AFF3: variants seen among roughly 807,000 people sequenced by gnomAD.
The protein encoded by AFF3 is AF4/FMR2 family member 3.
Under a neutral mutation model 129.7 loss-of-function variants are expected in AFF3, and 32 were observed. The observed-to-expected ratio is 0.25, with a 90% CI of 0.19 to 0.33. The LOEUF (loss-of-function observed/expected upper bound fraction) is 0.33. Ranked by LOEUF, AFF3 falls within the 10% of genes least tolerant of loss-of-function variation. AFF3 has a pLI of 1.00. For synonymous variants in AFF3, 644 were observed against 635.4 expected, an observed-to-expected ratio of 1.01 and a Z score of -0.20; for missense variants, 1,373 against 1,592.0, an observed-to-expected ratio of 0.86 and a Z score of 2.34.
At chr2:99,750,475 C>G (rs1393624615) in intron 9 of AFF3, among the ~76,000 whole-genome samples, 1 of 143,066 alleles carries the variant, frequency 7.0e-6, no homozygotes, top group African/African-American at 2.7e-5. Context: ...AGTGCAGTGG[C>G]GTGATCATAG....
intron 21 of AFF3, among the ~76,000 whole-genome samples, chr2:99,559,573 TG>T (rs1446311255): frequency 1.3e-5 from 2 of 152,264 alleles, no homozygotes; most frequent in Non-Finnish European, 2.9e-5. Flanking sequence ...ATCATATTAT[TG>T]TCATTTAGTG....
At chr2:99,890,527 C>A (rs993241046) in intron 7 of AFF3, among the ~76,000 whole-genome samples, 1 of 152,168 alleles carries the variant, frequency 6.6e-6, no homozygotes, top group Non-Finnish European at 1.5e-5. Context: ...GAGGCTTGAC[C>A]GGGCACACTG....
intron 13 of AFF3, among the ~76,000 whole-genome samples, chr2:99,607,776 T>C (rs186145677): frequency 1.8e-4 from 28 of 152,338 alleles, no homozygotes; most frequent in African/African-American, 6.0e-4. Context: ...ATAACAATGT[T>C]TGCTCCTCCT....
chr2:100,092,559 T>C (rs1269089174), intron 4 of AFF3, among the ~76,000 whole-genome samples: 1 of 152,230 alleles, frequency 6.6e-6, no homozygotes, highest in African/African-American at 2.4e-5. Flanking sequence ...TAGAAAGCCA[T>C]GCAAGGCCCT....
chr2:99,596,861 AC>A (rs1679337336), intron 14 of AFF3, among the ~76,000 whole-genome samples: 1 of 152,190 alleles, frequency 6.6e-6, no homozygotes, highest in Non-Finnish European at 1.5e-5. Flanking sequence ...AGTTTGAAGT[AC>A]CCACTTTCAA....
At chr2:100,045,194 T>C (rs1451296783) in intron 4 of AFF3, among the ~76,000 whole-genome samples, 1 of 151,994 alleles carries the variant, frequency 6.6e-6, no homozygotes, top group Non-Finnish European at 1.5e-5. Flanking sequence ...CCGTTTTCCT[T>C]ATCAAGTGGT....
chr2:99,689,284 T>C (rs1383005803), intron 11 of AFF3, among the ~76,000 whole-genome samples: 1 of 152,180 alleles, frequency 6.6e-6, no homozygotes, highest in African/African-American at 2.4e-5. Context: ...TGGCCTCAGC[T>C]GACTGCAGCT....
chr2:99,762,125 C>CTT (rs113479774), intron 8 of AFF3, among the ~76,000 whole-genome samples: 46 of 138,156 alleles, frequency 3.3e-4, no homozygotes, highest in Non-Finnish European at 4.9e-4. Context: ...ATCAATGCCA[C>CTT]TTTTTTTTTT....
At chr2:99,868,561 A>G (rs1691617881) in intron 7 of AFF3, among the ~76,000 whole-genome samples, 1 of 152,162 alleles carries the variant, frequency 6.6e-6, no homozygotes, top group Admixed American at 6.5e-5. Flanking sequence ...TTAACATGGA[A>G]GCAGTAAGAC....
chr2:99,607,485 T>A lies in AFF3; in HGVS notation c.1185-5864A>T, dbSNP rs181128622. ...AGGCGGAGGTTACAGTGAGCCGAGA[T>A]TGTGCCACTGCACTCCAGCCTGGGC... On this transcript the variant is annotated intron_variant, in intron 13 of 24. Coordinates refer to ENST00000672756, the MANE Select transcript of AFF3 (RefSeq NM_001386135.1). Among the ~76,000 whole-genome samples, 20 of 151,990 alleles carry A rather than the reference T, an allele frequency of 1.3e-4. 1 individual carries two copies. The East Asian group carries it at 3.9e-3, about 29-fold the overall frequency.
chr2:99,775,755 A>G (rs935389639), intron 8 of AFF3, among the ~76,000 whole-genome samples: 1 of 152,144 alleles, frequency 6.6e-6, no homozygotes, highest in Non-Finnish European at 1.5e-5. Context: ...TCAAGAAGAA[A>G]GCCATTATAG....
intron 11 of AFF3, among the ~76,000 whole-genome samples, chr2:99,715,903 A>T (rs1002452605): frequency 1.4e-4 from 21 of 151,988 alleles, no homozygotes; most frequent in African/African-American, 4.6e-4. Flanking sequence ...CGATCTCCTG[A>T]CCTCGTGATC....
At chr2:99,991,368 CAGA>C (rs144710170) in intron 7 of AFF3, among the ~76,000 whole-genome samples, 16,292 of 152,124 alleles carry the variant, frequency 0.11, 1,194 homozygotes, top group Non-Finnish European at 0.15. Context: ...GTAATCTGCG[CAGA>C]AGGTCATTTG....
intron 4 of AFF3, among the ~76,000 whole-genome samples, chr2:100,028,905 C>T (rs2104937620): frequency 6.6e-6 from 1 of 152,220 alleles, no homozygotes; most frequent in South Asian, 2.1e-4. Flanking sequence ...TTCAATAATC[C>T]TCCTTCTGGG....
At chr2:99,691,243 T>G (rs1675623322) in intron 11 of AFF3, among the ~76,000 whole-genome samples, 1 of 152,204 alleles carries the variant, frequency 6.6e-6, no homozygotes, top group South Asian at 2.1e-4. Flanking sequence ...CAGTCACTGC[T>G]CATTCCGCCC....
At chr2:99,691,242 C>T (rs1675622842) in intron 11 of AFF3, among the ~76,000 whole-genome samples, 1 of 152,184 alleles carries the variant, frequency 6.6e-6, no homozygotes, top group Non-Finnish European at 1.5e-5. Flanking sequence ...TCAGTCACTG[C>T]TCATTCCGCC....
intron 11 of AFF3, among the ~76,000 whole-genome samples, chr2:99,708,435 C>A (rs1019884446): frequency 1.3e-5 from 2 of 152,186 alleles, no homozygotes; most frequent in Non-Finnish European, 2.9e-5. Flanking sequence ...TCCCAGGTTT[C>A]AGGTCTCACT....
intron 13 of AFF3, among the ~76,000 whole-genome samples, chr2:99,618,772 C>T (rs987200753): frequency 2.6e-5 from 4 of 152,162 alleles, no homozygotes; most frequent in African/African-American, 9.7e-5. Flanking sequence ...CCCCAGAAAA[C>T]GGAAGTGGTG....
At chr2:99,848,704 T>C (rs1399112731) in intron 7 of AFF3, among the ~76,000 whole-genome samples, 1 of 152,204 alleles carries the variant, frequency 6.6e-6, no homozygotes, top group African/African-American at 2.4e-5. Context: ...AGTCAGTAAG[T>C]ATAAACGAAA....
Sources: allele counts gnomAD v4.1 joint callset (sites outside exome capture counted in the v4.1 genomes callset), GRCh38; gene constraint gnomAD v4.1.1; transcripts MANE v1.5; gene names NCBI Gene and HGNC (gene_info 2026-07-23, HGNC 2026-07-21).